TNFRSF14: variants seen among roughly 807,000 people sequenced by gnomAD.
The protein encoded by TNFRSF14 is tumor necrosis factor receptor superfamily member 14.
A neutral mutation model predicts 34.1 loss-of-function variants in TNFRSF14; 18 were observed. The observed-to-expected ratio is 0.53, with a 90% CI of 0.36 to 0.78. The LOEUF (loss-of-function observed/expected upper bound fraction) is 0.78. Among genes scored for constraint, TNFRSF14 ranks in the 30% least tolerant of loss-of-function variants. The probability of loss-of-function intolerance (pLI) is 0.00; values close to 1 mark genes in which losing one functional copy is unlikely to be tolerated. For missense variants in TNFRSF14, 352 were observed against 379.5 expected (o/e 0.93, Z 0.60); for synonymous variants, 157 against 153.2 (o/e 1.02, Z -0.18).
At position 2,556,750 on chromosome 1, in the gene TNFRSF14, C is replaced by A; in HGVS notation, c.69+17C>A. ...TTGAGGCTGGTGAGCCCCCGAGCCT[C>A]CTCTCCGTCTGCTCGCAGATCCCAG... On this transcript the variant is annotated intron_variant, in intron 1 of 7. Coordinates refer to ENST00000355716, the MANE Select transcript of TNFRSF14 (RefSeq NM_003820.4). 3 of 1,578,894 alleles carry A rather than the reference C, an allele frequency of 1.9e-6. No individual in the cohort carries two copies. Among genetic ancestry groups the A allele is most frequent in the Non-Finnish European group, 2.6e-6 (3 of 1,163,978 alleles).
rs774759501 is a variant in TNFRSF14 at position 2,561,681 on chromosome 1, G to T, written c.560G>T (p.Trp187Leu). Residue 187 changes from tryptophan to leucine, a missense_variant, in exon 6 of 8, where the codon TGG becomes TTG. Coordinates refer to ENST00000355716, the MANE Select transcript of TNFRSF14 (RefSeq NM_003820.4). The surrounding 1 kb of genome is among the most constrained non-coding windows in gnomAD (Gnocchi z 6.0). ...CGGCCCCACTCCCGCAGGTGCAGCTGGCTGGTGACGAAGGCCGGAGCTGGG... is the reference window on the plus strand; with the variant it reads ...CGGCCCCACTCCCGCAGGTGCAGCTTGCTGGTGACGAAGGCCGGAGCTGGG... Reference protein sequence around the residue: ...EECQHQTKCSWLVTKAGAGTS... With the variant: ...EECQHQTKCSLLVTKAGAGTS... 1.9e-6 allele frequency: 3 copies of T among 1,613,170 alleles called. No individual in the cohort carries two copies. The highest frequency in any genetic ancestry group is 4.5e-5 in the East Asian group (2 of 44,886).
chr1:2,558,499 C>T (rs372799663), intron 3 of TNFRSF14, 31 bp downstream of exon 3: 64 of 1,611,128 alleles, frequency 4.0e-5, no homozygotes, highest in African/African-American at 3.7e-4. Flanking sequence ...GCCCAGCCTC[C>T]GCTTGGGCAG....
At position 2,558,673 on chromosome 1, in the gene TNFRSF14, C is replaced by T. The variant is rs1363144166; in HGVS notation, c.304+205C>T. The T allele has an allele frequency of 2.6e-6, 3 of 1,170,278 alleles. No homozygotes were observed. In the South Asian group the frequency reaches 4.6e-5, roughly 18 times the overall value. The allele number at this position is 1,170,278 out of a possible 1,614,324, so 72.5% of individuals were successfully genotyped here. ...CCGTCCACCTCTGTCTCACCTCTCACTTTGTCACCGCCAGGTGGGCCATCC... is the reference window on the plus strand; with the variant it reads ...CCGTCCACCTCTGTCTCACCTCTCATTTTGTCACCGCCAGGTGGGCCATCC... On this transcript the variant is annotated intron_variant, in intron 3 of 7. Transcript: ENST00000355716.
intron 1 of TNFRSF14, among the ~76,000 whole-genome samples, chr1:2,557,220 A>G (rs1644229110): frequency 6.6e-6 from 1 of 152,168 alleles, no homozygotes; most frequent in African/African-American, 2.4e-5. Flanking sequence ...TATCCCCATC[A>G]GGGGCCCCCG....
intron 3 of TNFRSF14, chr1:2,559,132 TGAGCCTACAGG>T: frequency 7.3e-7 from 1 of 1,362,538 alleles, no homozygotes; most frequent in Non-Finnish European, 9.7e-7. Flanking sequence ...GGGCAGGGCC[TGAGCCTACAGG>T]GAGGCACAGG....
chr1:2,559,061 C>T, intron 3 of TNFRSF14: 1 of 1,369,316 alleles, frequency 7.3e-7, no homozygotes. Context: ...CTCAGCATGG[C>T]CAGTGCTCCC....
intron 3 of TNFRSF14, chr1:2,558,735 C>A: frequency 8.6e-7 from 1 of 1,160,654 alleles, no homozygotes; most frequent in Non-Finnish European, 1.2e-6. Flanking sequence ...TCGTCCTTGG[C>A]TCCTCTGGTG....
At position 2,558,752 on chromosome 1, in the gene TNFRSF14, G is replaced by A. The variant is rs1388280403; in HGVS notation, c.304+284G>A. The A allele has an allele frequency of 4.9e-6, 6 of 1,212,838 alleles. No homozygotes were observed. The East Asian group carries it at 8.5e-5, about 17-fold the overall frequency. The allele number at this position is 1,212,838 out of a possible 1,614,324, so 75.1% of individuals were successfully genotyped here. ...GTCCTTGGCTCCTCTGGTGCCCGGG[G>A]TGGGTGCCCAGACCTCTCCTGTGCC... On this transcript the variant is annotated intron_variant, in intron 3 of 7. Transcript: ENST00000355716.
At chr1:2,559,514 C>T (rs1644272632) in intron 3 of TNFRSF14, 1 of 1,486,292 alleles carries the variant, frequency 6.7e-7, no homozygotes, top group Non-Finnish European at 9.0e-7. Context: ...GGGACCCTGC[C>T]CTGGAACTGA....
rs1644278745 is a variant in TNFRSF14, at chr1:2,559,815, GAC to G, written c.305-7_305-6del. The stretch of plus-strand genomic sequence containing the variant: ...GTACCCCTCTCAGCCCCTCCTCTTG[GAC>G]TCCAGCCATGGGCCTGCGCGCGAGC... On this transcript the variant is annotated splice_polypyrimidine_tract_variant and splice_region_variant and intron_variant, in intron 3 of 7. Coordinates refer to ENST00000355716, the MANE Select transcript of TNFRSF14 (RefSeq NM_003820.4). The G allele has an allele frequency of 6.2e-7, 1 of 1,604,964 alleles. No homozygotes were observed. Among genetic ancestry groups the G allele is most frequent in the African/African-American group, 1.3e-5 (1 of 74,978 alleles).
chr1:2,559,007 T>C, intron 3 of TNFRSF14: 1 of 1,367,760 alleles, frequency 7.3e-7, no homozygotes. Context: ...GCAGAGCCTG[T>C]CCATGCGGCC....
chr1:2,560,278 A>G (rs899184489), intron 4 of TNFRSF14, among the ~76,000 whole-genome samples: 46 of 152,238 alleles, frequency 3.0e-4, no homozygotes, highest in African/African-American at 9.4e-4. Context: ...GCCTGGGTTT[A>G]TGGGAGTGAC....
intron 5 of TNFRSF14, chr1:2,560,974 C>T (rs1644300502): frequency 6.1e-6 from 3 of 489,412 alleles, no homozygotes; most frequent in Middle Eastern, 5.1e-4. Context: ...GAAGCAGGCC[C>T]AGAGGGAGGC....
intron 3 of TNFRSF14, chr1:2,559,502 G>GC (rs1357091519): frequency 6.8e-7 from 1 of 1,472,066 alleles, no homozygotes; most frequent in African/African-American, 1.4e-5. Flanking sequence ...GGACCTGCCT[G>GC]CGGGACCCTG....
chr1:2,562,104 G>C, intron 6 of TNFRSF14: 1 of 500,698 alleles, frequency 2.0e-6, no homozygotes, highest in East Asian at 3.4e-5. Flanking sequence ...GTGGGATGTG[G>C]GGAGCAGGAC....
chr1:2,561,458 C>T lies in TNFRSF14; in HGVS notation c.552-215C>T. ...TCCTTTGCCCAGTCTCTCCTTGTTT[C>T]TCTTCTCCTCCTTCCTTCTCTCCAC... On this transcript the variant is annotated intron_variant, in intron 5 of 7. Coordinates refer to ENST00000355716, the MANE Select transcript of TNFRSF14 (RefSeq NM_003820.4). This position sits in a 1 kb window ranked among gnomAD's most constrained non-coding sequence, Gnocchi z 6.0. 2 of 1,485,290 alleles carry T rather than the reference C, an allele frequency of 1.3e-6. No individual in the cohort carries two copies. Among genetic ancestry groups the T allele is most frequent in the Non-Finnish European group, 1.8e-6 (2 of 1,112,802 alleles). 92.0% of individuals were successfully genotyped at this position (1,485,290 alleles called of 1,614,324 possible).
chr1:2,558,553 T>G, intron 3 of TNFRSF14, 85 bp downstream of exon 3: 1 of 1,583,260 alleles, frequency 6.3e-7, no homozygotes, highest in Non-Finnish European at 8.5e-7. Context: ...ATGGCCACAG[T>G]GCCCCAGGAA....
chr1:2,561,559 C>G lies in TNFRSF14; in HGVS notation c.552-114C>G. 1.3e-6 allele frequency: 2 copies of G among 1,581,150 alleles called. No homozygotes were observed. Among genetic ancestry groups the G allele is most frequent in the Non-Finnish European group, 1.7e-6 (2 of 1,163,816 alleles). ...CTGGAGCTGCCACCAGCCCAGCCTC[C>G]CTGGGACCTGTCTTCACTGCCTGGG... is the stretch of plus-strand genomic sequence containing the variant. On this transcript the variant is annotated intron_variant, in intron 5 of 7. Transcript: ENST00000355716. The surrounding 1 kb of genome is among the most constrained non-coding windows in gnomAD (Gnocchi z 6.0).
At chr1:2,555,857 C>G (rs1644204628), upstream of TNFRSF14, 1 of 155,508 alleles carries the variant, frequency 6.4e-6, no homozygotes, top group African/African-American at 2.4e-5. The surrounding 1 kb of genome is among the most constrained non-coding windows in gnomAD (Gnocchi z 6.3). Flanking sequence ...GGAGGTCTCC[C>G]TACCACCAGG....
Sources: gnomAD v4.1 joint callset for allele counts (sites outside exome capture counted in the v4.1 genomes callset) on GRCh38, gnomAD v4.1.1 for gene constraint, Gnocchi (gnomAD v3.1) non-coding constraint, MANE v1.5 for transcripts, NCBI Gene and HGNC (gene_info 2026-07-23, HGNC 2026-07-21) for gene names.